The following KMT5B variants were observed in gnomAD, a reference collection of about 807,000 sequenced individuals.
KMT5B encodes lysine methyltransferase 5B.
In KMT5B, 10 loss-of-function variants were observed where a neutral mutation model predicts 83.2. That is an observed-to-expected ratio of 0.12 (90% CI 0.07 to 0.20). KMT5B has a LOEUF of 0.20. Ranked by LOEUF, KMT5B falls within the 10% of genes least tolerant of loss-of-function variation. The pLI is 1.00. For missense variants in KMT5B, 753 were observed against 1,067.2 expected (o/e 0.71, Z 4.10); for synonymous variants, 349 against 388.8 (o/e 0.90, Z 1.20).
chr11:68,165,852 T>C, intron 10 of KMT5B: 1 of 1,612,820 alleles, frequency 6.2e-7, no homozygotes, highest in Non-Finnish European at 8.5e-7. Flanking sequence ...ACACGGGTTA[T>C]GCTTGGACTC....
chr11:68,204,533 T>C (rs542932934), intron 1 of KMT5B, among the ~76,000 whole-genome samples: 49 of 151,458 alleles, frequency 3.2e-4, no homozygotes, highest in African/African-American at 1.2e-3. Context: ...TCCACAGCCC[T>C]GCCAACGCCT....
intron 1 of KMT5B, among the ~76,000 whole-genome samples, chr11:68,205,530 A>C (rs1859986047): frequency 6.6e-6 from 1 of 152,202 alleles, no homozygotes; most frequent in African/African-American, 2.4e-5. Context: ...ACTTACAATA[A>C]AAACTGAAAC....
chr11:68,162,635 C>T (rs367852461), intron 10 of KMT5B, among the ~76,000 whole-genome samples: 2 of 152,196 alleles, frequency 1.3e-5, no homozygotes, highest in East Asian at 1.9e-4. Flanking sequence ...CCCATCCCTC[C>T]TTCCAAAACA....
chr11:68,188,245 C>T (rs563933418), intron 2 of KMT5B, among the ~76,000 whole-genome samples: 4 of 151,792 alleles, frequency 2.6e-5, no homozygotes, highest in Non-Finnish European at 4.4e-5. Flanking sequence ...AGGATGGTCT[C>T]GATCTCCTGA....
At chr11:68,208,756 C>A (rs1388470486) in intron 1 of KMT5B, among the ~76,000 whole-genome samples, 1 of 151,962 alleles carries the variant, frequency 6.6e-6, no homozygotes, top group Non-Finnish European at 1.5e-5. Flanking sequence ...GAGGCCAAGG[C>A]GAGATGATTG....
rs1292790688 is a variant in KMT5B, at chr11:68,171,738, T to C, written c.654-29A>G. 6.6e-7 allele frequency: 1 copy of C among 1,512,750 alleles called. No homozygotes were observed. The highest frequency in any genetic ancestry group is 9.1e-7 in the Non-Finnish European group (1 of 1,098,164). 93.7% of individuals were successfully genotyped at this position (1,512,750 alleles called of 1,614,324 possible). A position where few individuals can be genotyped will look rare whatever the true frequency, so the allele number is the denominator to read the frequency against. ...TTTAAAATATGTGATGTGTTAAAAA[T>C]TACTAGTAATTAAATATAGTAAGGC... On this transcript the variant is annotated intron_variant, in intron 6 of 10. Coordinates refer to ENST00000304363, the MANE Select transcript of KMT5B (RefSeq NM_017635.5). This position sits in a 1 kb window ranked among gnomAD's most constrained non-coding sequence, Gnocchi z 5.1.
chr11:68,199,723 T>C (rs1859182133), intron 1 of KMT5B, among the ~76,000 whole-genome samples: 1 of 152,206 alleles, frequency 6.6e-6, no homozygotes, highest in Non-Finnish European at 1.5e-5. Flanking sequence ...TTAGTAGTAG[T>C]AGTCTATTTA....
chr11:68,189,875 C>A, intron 2 of KMT5B, 42 bp downstream of exon 2: 1 of 1,571,706 alleles, frequency 6.4e-7, no homozygotes, highest in Non-Finnish European at 8.7e-7. Context: ...ATTACTACCC[C>A]ATATCACAAT....
chr11:68,190,808 C>T (rs1185538974), intron 1 of KMT5B, among the ~76,000 whole-genome samples: 2 of 152,092 alleles, frequency 1.3e-5, no homozygotes. Flanking sequence ...CATGGCAAGA[C>T]CCTGCCTCTA....
chr11:68,210,346 A>G (rs566513825), intron 1 of KMT5B, among the ~76,000 whole-genome samples: 9 of 152,192 alleles, frequency 5.9e-5, no homozygotes, highest in Non-Finnish European at 1.3e-4. Context: ...AACTACATGA[A>G]ACATGCAGAT....
In KMT5B at chr11:68,210,843, T is replaced by C. The variant is rs150395380; in HGVS notation, c.-77+2295A>G. ...CCATCAGAGCGTTCTAAGGCTGACA[T>C]AGTCGGGGAACTCCTGACCACGGAG... On this transcript the variant is annotated intron_variant, in intron 1 of 10. Transcript: ENST00000304363. Among the ~76,000 whole-genome samples, 817 of 152,260 alleles carry C rather than the reference T, an allele frequency of 5.4e-3. 5 individuals carry two copies. Among genetic ancestry groups the C allele is most frequent in the African/African-American group, 0.019 (781 of 41,540 alleles).
intron 6 of KMT5B, among the ~76,000 whole-genome samples, chr11:68,172,316 T>C (rs1190882854): frequency 6.6e-6 from 1 of 152,126 alleles, no homozygotes; most frequent in Non-Finnish European, 1.5e-5. Flanking sequence ...CACTGCAACC[T>C]CTGCCTCCTG....
intron 10 of KMT5B, among the ~76,000 whole-genome samples, chr11:68,160,109 T>C (rs776016741): frequency 3.9e-5 from 6 of 152,248 alleles, no homozygotes; most frequent in Non-Finnish European, 8.8e-5. Flanking sequence ...TTTTAAAATA[T>C]AAGGATATTT....
chr11:68,189,780 TA>T, intron 2 of KMT5B, 136 bp downstream of exon 2: 2 of 759,098 alleles, frequency 2.6e-6, no homozygotes, highest in Non-Finnish European at 4.1e-6. Context: ...ACTTTGAGAG[TA>T]AAAAGACTAT....
intron 3 of KMT5B, among the ~76,000 whole-genome samples, chr11:68,180,977 A>G (rs1265536499): frequency 6.6e-6 from 1 of 152,186 alleles, no homozygotes; most frequent in Non-Finnish European, 1.5e-5. Context: ...CTTGCTTGTT[A>G]GTAAATGTAA....
chr11:68,210,731 T>TA (rs1385000298), intron 1 of KMT5B, among the ~76,000 whole-genome samples: 1 of 152,134 alleles, frequency 6.6e-6, no homozygotes, highest in African/African-American at 2.4e-5. Flanking sequence ...TGCATTTACT[T>TA]AACATGCAGT....
chr11:68,192,052 A>C (rs1370390046), intron 1 of KMT5B, among the ~76,000 whole-genome samples: 1 of 152,228 alleles, frequency 6.6e-6, no homozygotes, highest in Non-Finnish European at 1.5e-5. Flanking sequence ...CAAGCTGTAC[A>C]GGTTAGTGGC....
chr11:68,195,005 T>C (rs146152805), intron 1 of KMT5B, among the ~76,000 whole-genome samples: 234 of 152,198 alleles, frequency 1.5e-3, no homozygotes, highest in African/African-American at 5.4e-3. Flanking sequence ...CAAGACCTCA[T>C]TGCTACTAAA....
chr11:68,206,388 G>T lies in KMT5B; in HGVS notation c.-77+6750C>A, dbSNP rs538098726. Among the ~76,000 whole-genome samples the T allele has an allele frequency of 9.2e-5, 14 of 152,302 alleles. 1 individual carries two copies. The South Asian group carries it at 2.5e-3, about 27-fold the overall frequency. On this transcript the variant is annotated intron_variant, in intron 1 of 10. Transcript: ENST00000304363. ...CAGAAGTTACAAGAAGTACATCAAA[G>T]ATTTTTACTGGGCAAGGACAAGTGT...
Sources: allele counts gnomAD v4.1 joint callset (sites outside exome capture counted in the v4.1 genomes callset), GRCh38; gene constraint gnomAD v4.1.1; non-coding constraint Gnocchi (gnomAD v3.1); transcripts MANE v1.5; gene names NCBI Gene and HGNC (gene_info 2026-07-23, HGNC 2026-07-21).